The following GRIK1 variants were observed in gnomAD, a reference collection of about 807,000 sequenced individuals.
GRIK1 encodes glutamate ionotropic receptor kainate type subunit 1.
A neutral mutation model predicts 105.7 loss-of-function variants in GRIK1; 69 were observed. The ratio of observed to expected loss-of-function variants is 0.65; its 90% confidence interval spans 0.54 to 0.80. The LOEUF (loss-of-function observed/expected upper bound fraction) is 0.80, where lower values mean the gene tolerates loss of function less well. Ranked by LOEUF, GRIK1 falls within the 30% of genes least tolerant of loss-of-function variation. The probability of loss-of-function intolerance (pLI) is 0.00; values close to 1 mark genes in which losing one functional copy is unlikely to be tolerated. For synonymous variants in GRIK1, 438 were observed against 431.3 expected (o/e 1.02, Z -0.19); for missense variants, 1,109 against 1,167.3 (o/e 0.95, Z 0.73).
rs535761549 is a variant in GRIK1 at position 29,706,264 on chromosome 21, C to G, written c.119-12201G>C. 4.6e-5 allele frequency among the ~76,000 whole-genome samples: 7 copies of G among 152,326 alleles called. No individual in the cohort carries two copies. In the East Asian group the frequency reaches 9.6e-4, roughly 21 times the overall value. ...GCATTTGAAAATTTAAAAAATCCAT[C>G]CTTTTAATAACTTTTTCATTTACTG... On this transcript the variant is annotated intron_variant, in intron 1 of 17. Transcript: ENST00000327783.
At chr21:29,596,855 T>G (rs1300760701) in intron 8 of GRIK1, 5 of 435,418 alleles carry the variant, frequency 1.1e-5, no homozygotes, top group Non-Finnish European at 2.1e-5. Context: ...ACAGGTATGC[T>G]GCAGTATTAA....
chr21:29,555,415 A>G, intron 15 of GRIK1, 113 bp from the exon 16 acceptor site: 1 of 946,298 alleles, frequency 1.1e-6, no homozygotes, highest in Middle Eastern at 3.4e-4. Flanking sequence ...TGAGACCCCA[A>G]TCCACAAATT....
chr21:29,908,259 TA>T (rs1403386753), intron 1 of GRIK1, among the ~76,000 whole-genome samples: 10 of 152,338 alleles, frequency 6.6e-5, no homozygotes, highest in African/African-American at 2.4e-4. Flanking sequence ...ATCATTTTTA[TA>T]ATTTCCCTAA....
chr21:29,832,192 G>T (rs1322967349), intron 1 of GRIK1, among the ~76,000 whole-genome samples: 1 of 152,162 alleles, frequency 6.6e-6, no homozygotes, highest in African/African-American at 2.4e-5. Context: ...CACCCCTATG[G>T]ATCTGCAGGG....
Position 29,939,493 on chromosome 21 carries a change from T to A in GRIK1, c.8A>T (p.His3Leu). Reference protein sequence around the residue: MEHGTLLAQPGLW... With the variant: MELGTLLAQPGLW... ...CCCGGGCTGGGCGAGGAGTGTGCCG[T>A]GCTCCATCTTCCTAGCTTCTTAATT... Residue 3 changes from histidine (H) to leucine (L), a missense_variant, in exon 1 of 18, where the codon CAC (histidine) becomes CTC (leucine). By Grantham distance (99) the His-to-Leu change is moderately conservative. Around this residue, in one of 5 missense-constraint regions of GRIK1, gnomAD observed 612 missense variants for 586.0 expected, o/e 1.04. Coordinates refer to ENST00000327783, the MANE Select transcript of GRIK1 (RefSeq NM_001330994.2). 1.3e-6 allele frequency: 2 copies of A among 1,573,988 alleles called. No individual in the cohort carries two copies. Among genetic ancestry groups the A allele is most frequent in the Non-Finnish European group, 1.7e-6 (2 of 1,158,826 alleles).
rs1425226149 is a variant in GRIK1, at chr21:29,773,634, G to A, written c.119-79571C>T. Reference sequence around the variant, plus strand: ...CTATATATCTCTACAAGTCAGAGTCGGTGCATAACAACCTCTCGTACACCA... The same window carrying A: ...CTATATATCTCTACAAGTCAGAGTCAGTGCATAACAACCTCTCGTACACCA... On this transcript the variant is annotated intron_variant, in intron 1 of 17. Coordinates refer to ENST00000327783, the MANE Select transcript of GRIK1 (RefSeq NM_001330994.2). 4.6e-5 allele frequency among the ~76,000 whole-genome samples: 7 copies of A among 151,980 alleles called. No homozygotes were observed. The South Asian group carries it at 1.2e-3, about 27-fold the overall frequency.
intron 14 of GRIK1, among the ~76,000 whole-genome samples, chr21:29,575,045 A>G (rs180706975): frequency 2.6e-5 from 4 of 152,296 alleles, no homozygotes; most frequent in African/African-American, 9.6e-5. Flanking sequence ...ATCTTTTTTA[A>G]CACAGAAGAA....
chr21:29,730,916 A>G (rs995096617), intron 1 of GRIK1, among the ~76,000 whole-genome samples: 1 of 152,212 alleles, frequency 6.6e-6, no homozygotes, highest in Admixed American at 6.5e-5. Flanking sequence ...CAAGTTTAAG[A>G]CAGTTTTGTA....
chr21:29,692,222 C>A (rs1253768886), intron 2 of GRIK1, among the ~76,000 whole-genome samples: 1 of 152,114 alleles, frequency 6.6e-6, no homozygotes. Context: ...TACTTCAGAC[C>A]ACAGGAAAGC....
chr21:29,620,445 A>G (rs1468847743), intron 7 of GRIK1, among the ~76,000 whole-genome samples: 2 of 152,164 alleles, frequency 1.3e-5, no homozygotes, highest in African/African-American at 4.8e-5. Context: ...GTTGAAAGAA[A>G]TGGCTTGTTT....
intron 7 of GRIK1, among the ~76,000 whole-genome samples, chr21:29,611,686 A>G (rs1345783853): frequency 6.6e-6 from 1 of 152,052 alleles, no homozygotes; most frequent in Non-Finnish European, 1.5e-5. Context: ...AGTCTATCTC[A>G]TGTTCTTTTT....
intron 1 of GRIK1, among the ~76,000 whole-genome samples, chr21:29,716,505 G>A (rs4423682): frequency 0.038 from 5,821 of 152,260 alleles, 254 homozygotes; most frequent in East Asian, 0.1. Flanking sequence ...AATGCTGATA[G>A]TAATGTGGGC....
chr21:29,921,199 C>T (rs558698940), intron 1 of GRIK1, among the ~76,000 whole-genome samples: 292 of 138,652 alleles, frequency 2.1e-3, no homozygotes, highest in Non-Finnish European at 3.1e-3. Flanking sequence ...TGCCAAATGT[C>T]CCCTGGAAGA....
rs112424999 is a variant in GRIK1, at chr21:29,735,293, T to C, written c.119-41230A>G. On this transcript the variant is annotated intron_variant, in intron 1 of 17. Transcript: ENST00000327783. The stretch of plus-strand genomic sequence containing the variant: ...TCACTTTAGGTGAATTCCATCACTG[T>C]TTCTCTCAGCATGAGGGTGGTTCAG... 3.7e-3 allele frequency among the ~76,000 whole-genome samples: 567 copies of C among 152,338 alleles called. 1 individual carries two copies. The highest frequency in any genetic ancestry group is 0.013 in the African/African-American group (543 of 41,584).
chr21:29,913,092 T>C (rs188490989), intron 1 of GRIK1, among the ~76,000 whole-genome samples: 10 of 152,208 alleles, frequency 6.6e-5, no homozygotes, highest in African/African-American at 2.4e-4. Flanking sequence ...TGAAAGCAAT[T>C]TTTCCTGTCC....
At chr21:29,843,891 T>C (rs906425502) in intron 1 of GRIK1, among the ~76,000 whole-genome samples, 2 of 152,230 alleles carry the variant, frequency 1.3e-5, no homozygotes, top group South Asian at 2.1e-4. Context: ...TCCTCTGGAC[T>C]GGTTCAGTCC....
intron 1 of GRIK1, among the ~76,000 whole-genome samples, chr21:29,872,312 G>A (rs1360447208): frequency 2.0e-5 from 3 of 150,694 alleles, no homozygotes; most frequent in Non-Finnish European, 4.4e-5. Context: ...TCCTGCCTCA[G>A]CCTCCCGAGT....
intron 15 of GRIK1, among the ~76,000 whole-genome samples, 153 bp from the exon 16 acceptor site, chr21:29,555,455 T>C (rs1017434008): frequency 6.6e-6 from 1 of 152,162 alleles, no homozygotes; most frequent in African/African-American, 2.4e-5. Flanking sequence ...AGTTCACTCC[T>C]ATATTTTGAA....
chr21:29,822,399 C>T (rs563529033), intron 1 of GRIK1, among the ~76,000 whole-genome samples: 2 of 152,136 alleles, frequency 1.3e-5, no homozygotes, highest in Admixed American at 1.3e-4. Flanking sequence ...TAGCCCAAAG[C>T]TGTTTCATGA....
Sources: gnomAD v4.1 joint callset for allele counts (sites outside exome capture counted in the v4.1 genomes callset) on GRCh38, gnomAD v4.1.1 for gene constraint, gnomAD v4.1.1 regional missense constraint, MANE v1.5 for transcripts, NCBI Gene and HGNC (gene_info 2026-07-23, HGNC 2026-07-21) for gene names.